Variants in HCN1 observed in about 807,000 individuals in gnomAD.
HCN1 encodes potassium/sodium hyperpolarization-activated cyclic nucleotide-gated channel 1.
A neutral mutation model predicts 78.9 loss-of-function variants in HCN1; 13 were observed. The observed-to-expected ratio is 0.16, with a 90% confidence interval of 0.11 to 0.26. The LOEUF (loss-of-function observed/expected upper bound fraction) is 0.26. Among genes scored for constraint, HCN1 ranks in the 10% least tolerant of loss-of-function variants. The pLI is 1.00. For missense variants in HCN1, 810 were observed against 1,154.3 expected (o/e 0.70, Z 4.32); for synonymous variants, 552 against 455.5 (o/e 1.21, Z -2.70).
Position 45,256,984 on chromosome 5 carries a change from C to G in HCN1, c.*4937G>C, listed in dbSNP as rs12522524. 6.6e-6 allele frequency: 1 copy of G among 152,106 alleles called. No individual in the cohort carries two copies. The highest frequency in any genetic ancestry group is 6.5e-5 in the Admixed American group (1 of 15,268). The allele number at this position is 152,106 out of a possible 1,614,324, so 9.4% of individuals were successfully genotyped here. A position where few individuals can be genotyped will look rare whatever the true frequency, so the allele number is the denominator to read the frequency against. ...TTCCCTGCCGCAATATATTATCTTA[C>G]GCAAAGCAAGTAAACTTTCAGTTTC... On this transcript the variant is annotated 3_prime_UTR_variant, in exon 8 of 8. Transcript: ENST00000303230.
At chr5:45,374,803 T>TAA (rs1243356774) in intron 4 of HCN1, among the ~76,000 whole-genome samples, 3 of 147,512 alleles carry the variant, frequency 2.0e-5, no homozygotes, top group Admixed American at 7.1e-5. Context: ...TATATATATA[T>TAA]AAAACCATAT....
At chr5:45,442,321 A>AC (rs1740693863) in intron 3 of HCN1, among the ~76,000 whole-genome samples, 1 of 152,100 alleles carries the variant, frequency 6.6e-6, no homozygotes, top group African/African-American at 2.4e-5. Flanking sequence ...GAGACAAGAT[A>AC]CCAACATATC....
At chr5:45,460,723 AAGG>A (rs1482798505) in intron 3 of HCN1, among the ~76,000 whole-genome samples, 1 of 151,948 alleles carries the variant, frequency 6.6e-6, no homozygotes, top group Non-Finnish European at 1.5e-5. Context: ...GGAAGGAAGG[AAGG>A]AGGACAATAG....
chr5:45,336,738 T>C (rs1231285698), intron 5 of HCN1, among the ~76,000 whole-genome samples: 2 of 152,018 alleles, frequency 1.3e-5, no homozygotes, highest in African/African-American at 4.8e-5. Context: ...TTGGGAAATC[T>C]AAGATCAAGG....
chr5:45,293,395 T>A (rs1324853311), intron 6 of HCN1, among the ~76,000 whole-genome samples: 6 of 151,936 alleles, frequency 3.9e-5, no homozygotes, highest in Non-Finnish European at 8.8e-5. Context: ...CCCAGCTACT[T>A]GTGAGGCTTA....
intron 2 of HCN1, among the ~76,000 whole-genome samples, chr5:45,500,103 C>G (rs959840918): frequency 1.3e-5 from 2 of 151,878 alleles, no homozygotes; most frequent in Non-Finnish European, 2.9e-5. Context: ...GAAAATTATA[C>G]CATGGATGTT....
At chr5:45,506,785 T>C (rs575945208) in intron 2 of HCN1, among the ~76,000 whole-genome samples, 1 of 152,282 alleles carries the variant, frequency 6.6e-6, no homozygotes, top group African/African-American at 2.4e-5. Flanking sequence ...TTATTCTTTT[T>C]ATTCATTTGA....
At chr5:45,604,881 G>T (rs1744695762) in intron 2 of HCN1, among the ~76,000 whole-genome samples, 2 of 152,048 alleles carry the variant, frequency 1.3e-5, no homozygotes, top group Admixed American at 1.3e-4. Flanking sequence ...TCTAAACAGT[G>T]ATTTACTTTA....
At chr5:45,328,093 A>G (rs1484282669) in intron 5 of HCN1, among the ~76,000 whole-genome samples, 1 of 151,594 alleles carries the variant, frequency 6.6e-6, no homozygotes, top group Non-Finnish European at 1.5e-5. Flanking sequence ...GAGTATGTCG[A>G]TGCCTGAAAT....
intron 3 of HCN1, among the ~76,000 whole-genome samples, chr5:45,433,946 T>C (rs1283986185): frequency 2.0e-5 from 3 of 152,180 alleles, no homozygotes; most frequent in South Asian, 2.1e-4. Flanking sequence ...ATAGTTGGTT[T>C]ATCCTTAAAC....
intron 5 of HCN1, among the ~76,000 whole-genome samples, chr5:45,342,547 C>A (rs549218270): frequency 6.6e-6 from 1 of 151,958 alleles, no homozygotes; most frequent in Non-Finnish European, 1.5e-5. Flanking sequence ...CAGCTTATTT[C>A]TTTCTTTTAA....
At chr5:45,589,760 T>C (rs973040160) in intron 2 of HCN1, among the ~76,000 whole-genome samples, 5 of 152,204 alleles carry the variant, frequency 3.3e-5, no homozygotes, top group Admixed American at 1.3e-4. Context: ...ATAATTTTTA[T>C]TTATCTGATG....
In HCN1 at chr5:45,262,078, A is replaced by G. The variant is rs2111838437; in HGVS notation, c.2516T>C (p.Val839Ala). The G allele has an allele frequency of 6.2e-7, 1 of 1,613,686 alleles. No homozygotes were observed. Among genetic ancestry groups the G allele is most frequent in the Non-Finnish European group, 8.5e-7 (1 of 1,179,870 alleles). Residue 839 changes from valine (V) to alanine (A), a missense_variant, in exon 8 of 8, where the codon GTC becomes GCC. Val to Ala is a moderately conservative substitution (Grantham distance 64, BLOSUM62 0). Coordinates refer to ENST00000303230, the MANE Select transcript of HCN1 (RefSeq NM_021072.4). ...CGACGACATCTGTCGGAAGAGGGTG[A>G]CGCGCTGCGGGACAGTGCTCCTGCC... ...AGGRSTVPQR[V>A]TLFRQMSSGA...
chr5:45,507,599 A>C (rs1316667470), intron 2 of HCN1, among the ~76,000 whole-genome samples: 3 of 152,212 alleles, frequency 2.0e-5, no homozygotes, highest in Non-Finnish European at 1.5e-5. Context: ...GAGAAATAAC[A>C]GTATATAAAT....
chr5:45,627,342 C>A (rs1483039410), intron 2 of HCN1, among the ~76,000 whole-genome samples: 1 of 152,144 alleles, frequency 6.6e-6, no homozygotes, highest in Non-Finnish European at 1.5e-5. Flanking sequence ...CCAAAATAAT[C>A]TGGATATGAT....
intron 2 of HCN1, among the ~76,000 whole-genome samples, chr5:45,486,497 C>T (rs1741766278): frequency 1.3e-5 from 2 of 152,106 alleles, no homozygotes; most frequent in South Asian, 2.1e-4. Context: ...TAAATATACT[C>T]TCATGGGGTG....
rs185860153 is a variant in HCN1 at position 45,612,781 on chromosome 5, C to A, written c.849+32404G>T. ...TTATTATAGATCACTTTGCCCCATT[C>A]TGTTTTCAAAAAGCTAAATGGAAAT... On this transcript the variant is annotated intron_variant, in intron 2 of 7. Coordinates refer to ENST00000303230, the MANE Select transcript of HCN1 (RefSeq NM_021072.4). 2.7e-3 allele frequency among the ~76,000 whole-genome samples: 417 copies of A among 152,238 alleles called. 1 individual carries two copies. The highest frequency in any genetic ancestry group is 3.8e-3 in the Non-Finnish European group (261 of 68,018).
At chr5:45,371,932 T>A (rs1226339625) in intron 4 of HCN1, among the ~76,000 whole-genome samples, 8 of 103,456 alleles carry the variant, frequency 7.7e-5, no homozygotes, top group African/African-American at 3.0e-4. Flanking sequence ...ATACATTATA[T>A]TATATATAAT....
At chr5:45,679,488 A>C (rs1739661087) in intron 1 of HCN1, among the ~76,000 whole-genome samples, 1 of 152,054 alleles carries the variant, frequency 6.6e-6, no homozygotes, top group Non-Finnish European at 1.5e-5. Flanking sequence ...TATGATGGAG[A>C]ATGCTTAAAA....
Sources: gnomAD v4.1 joint callset for allele counts (sites outside exome capture counted in the v4.1 genomes callset) on GRCh38, gnomAD v4.1.1 for gene constraint, MANE v1.5 for transcripts, NCBI Gene and HGNC (gene_info 2026-07-23, HGNC 2026-07-21) for gene names.